DPP10: variants seen among roughly 807,000 people sequenced by gnomAD.
The protein encoded by DPP10 is dipeptidyl peptidase like 10.
Under a neutral mutation model 120.9 loss-of-function variants are expected in DPP10, and 33 were observed. The observed-to-expected ratio is 0.27, with a 90% CI of 0.21 to 0.37. The LOEUF (loss-of-function observed/expected upper bound fraction) is 0.37. Ranked by LOEUF, DPP10 falls within the 10% of genes least tolerant of loss-of-function variation. DPP10 has a pLI of 1.00. For synonymous variants in DPP10, 337 were observed against 326.1 expected, an observed-to-expected ratio of 1.03 and a Z score of -0.36; for missense variants, 816 against 942.8, an observed-to-expected ratio of 0.87 and a Z score of 1.76.
chr2:114,809,467 TAG>T (rs1685003432), intron 1 of DPP10, among the ~76,000 whole-genome samples: 1 of 152,238 alleles, frequency 6.6e-6, no homozygotes, highest in African/African-American at 2.4e-5. Flanking sequence ...TCGATAAAAG[TAG>T]TCGATGCTGG....
intron 1 of DPP10, among the ~76,000 whole-genome samples, chr2:114,784,000 A>G (rs963074913): frequency 6.6e-6 from 1 of 152,054 alleles, no homozygotes; most frequent in Non-Finnish European, 1.5e-5. Flanking sequence ...TGTGGCAAGT[A>G]ATGCCAGAAA....
At chr2:115,019,440 C>A (rs1374913471) in intron 1 of DPP10, among the ~76,000 whole-genome samples, 1 of 151,858 alleles carries the variant, frequency 6.6e-6, no homozygotes, top group Non-Finnish European at 1.5e-5. Context: ...AAAGACAAGC[C>A]TTTTGAATTA....
intron 1 of DPP10, among the ~76,000 whole-genome samples, chr2:114,875,683 C>T (rs556895527): frequency 1.3e-5 from 2 of 152,162 alleles, no homozygotes; most frequent in South Asian, 4.1e-4. Flanking sequence ...AAGAAATTAG[C>T]ATAAGTTAAA....
intron 3 of DPP10, among the ~76,000 whole-genome samples, chr2:115,384,050 A>G (rs774761846): frequency 6.6e-6 from 1 of 152,210 alleles, no homozygotes; most frequent in Non-Finnish European, 1.5e-5. Context: ...AATACCCCAA[A>G]GTATGTTGCT....
chr2:115,214,994 G>C (rs983774943), intron 1 of DPP10, among the ~76,000 whole-genome samples: 1 of 152,122 alleles, frequency 6.6e-6, no homozygotes, highest in African/African-American at 2.4e-5. Flanking sequence ...GACACAAATT[G>C]GGAAATACAG....
intron 3 of DPP10, among the ~76,000 whole-genome samples, chr2:115,421,673 C>A (rs1177984094): frequency 6.6e-6 from 1 of 151,776 alleles, no homozygotes; most frequent in African/African-American, 2.4e-5. Context: ...GAGATTGAGA[C>A]CATCCTGGCT....
chr2:115,030,720 A>C (rs1303016957), intron 1 of DPP10, among the ~76,000 whole-genome samples: 1 of 152,110 alleles, frequency 6.6e-6, no homozygotes, highest in African/African-American at 2.4e-5. Flanking sequence ...TCCCACTTAT[A>C]AGTGAGAACA....
chr2:115,122,978 A>G (rs527546876), intron 1 of DPP10, among the ~76,000 whole-genome samples: 1 of 152,278 alleles, frequency 6.6e-6, no homozygotes, highest in East Asian at 1.9e-4. Flanking sequence ...GAAAGGGGAG[A>G]AAGAATCCAT....
intron 1 of DPP10, among the ~76,000 whole-genome samples, chr2:115,049,368 G>A (rs1334483515): frequency 2.0e-5 from 3 of 152,084 alleles, no homozygotes; most frequent in Non-Finnish European, 4.4e-5. Flanking sequence ...CTTGAGAAAA[G>A]AGAGTCAATC....
chr2:115,780,772 G>A lies in DPP10; in HGVS notation c.1362-102G>A, dbSNP rs188262329. ...TACAGTGAACCTCTATGCAAGCACC[G>A]ATGTAACTCCCTTGTTTATATTATA... On this transcript the variant is annotated intron_variant, in intron 15 of 25. Coordinates refer to ENST00000410059, the MANE Select transcript of DPP10 (RefSeq NM_020868.6). 2,560 of 1,107,576 alleles carry A rather than the reference G, an allele frequency of 2.3e-3. 4 individuals are homozygous for A. Among genetic ancestry groups the A allele is most frequent in the Non-Finnish European group, 2.9e-3 (2,333 of 803,926 alleles). The allele number at this position is 1,107,576 out of a possible 1,614,324, so 68.6% of individuals were successfully genotyped here.
At chr2:115,659,903 T>C (rs943721492) in intron 5 of DPP10, among the ~76,000 whole-genome samples, 67 of 152,310 alleles carry the variant, frequency 4.4e-4, no homozygotes, top group Non-Finnish European at 7.9e-4. Flanking sequence ...ATTTATCTTT[T>C]TTTGTATGCC....
At chr2:115,029,642 T>C (rs144469623) in intron 1 of DPP10, among the ~76,000 whole-genome samples, 24 of 152,242 alleles carry the variant, frequency 1.6e-4, no homozygotes, top group East Asian at 3.9e-4. Flanking sequence ...TCTTATAGGA[T>C]ATGTTTGCTT....
At chr2:115,366,452 T>A (rs1407957805) in intron 3 of DPP10, among the ~76,000 whole-genome samples, 1 of 152,138 alleles carries the variant, frequency 6.6e-6, no homozygotes. Flanking sequence ...TAGAGTTTTA[T>A]GCTTTGCTTA....
At chr2:115,320,088 T>C (rs1473298587) in intron 2 of DPP10, among the ~76,000 whole-genome samples, 1 of 152,202 alleles carries the variant, frequency 6.6e-6, no homozygotes, top group Non-Finnish European at 1.5e-5. Context: ...CATATATGTT[T>C]ATTATTTTGT....
At chr2:114,814,359 GT>G (rs1372892326) in intron 1 of DPP10, among the ~76,000 whole-genome samples, 1 of 151,164 alleles carries the variant, frequency 6.6e-6, no homozygotes, top group Non-Finnish European at 1.5e-5. Flanking sequence ...TTCCCCTTCT[GT>G]TAACATCTCA....
intron 1 of DPP10, among the ~76,000 whole-genome samples, chr2:115,093,116 A>C (rs373532505): frequency 2.0e-4 from 31 of 152,330 alleles, no homozygotes; most frequent in African/African-American, 7.5e-4. Flanking sequence ...CAGTGAAGCA[A>C]ACCAAAATAA....
intron 1 of DPP10, among the ~76,000 whole-genome samples, chr2:115,224,310 G>C (rs1019106892): frequency 8.6e-5 from 13 of 151,944 alleles, no homozygotes; most frequent in African/African-American, 2.7e-4. Flanking sequence ...GGAGAAAAAA[G>C]GTCATATGAC....
intron 1 of DPP10, among the ~76,000 whole-genome samples, chr2:114,758,863 A>G (rs1558711493): frequency 6.6e-6 from 1 of 152,200 alleles, no homozygotes; most frequent in Non-Finnish European, 1.5e-5. Context: ...TGAAATTAAA[A>G]AACGAAATTT....
rs925073111 is a variant in DPP10, at chr2:115,296,622, C to A, written c.61-12617C>A. Among the ~76,000 whole-genome samples the A allele has an allele frequency of 2.0e-5, 3 of 152,166 alleles. No homozygotes were observed. In the South Asian group the frequency reaches 6.2e-4, roughly 32 times the overall value. ...TAGATTTGATCTTTAGCGTTTCTAA[C>A]AAACATCATCAGGGATCTCTCTTTC... is the stretch of plus-strand genomic sequence containing the variant. On this transcript the variant is annotated intron_variant, in intron 1 of 25. Transcript: ENST00000410059.
Sources: allele counts gnomAD v4.1 joint callset (sites outside exome capture counted in the v4.1 genomes callset), GRCh38; gene constraint gnomAD v4.1.1; transcripts MANE v1.5; gene names NCBI Gene and HGNC (gene_info 2026-07-23, HGNC 2026-07-21).